SLC5A7: variants seen among roughly 807,000 people sequenced by gnomAD.
SLC5A7 encodes high affinity choline transporter 1.
A neutral mutation model predicts 55.4 loss-of-function variants in SLC5A7; 19 were observed. The observed-to-expected ratio is 0.34, with a 90% CI of 0.24 to 0.50. SLC5A7 has a LOEUF of 0.50. Among genes scored for constraint, SLC5A7 ranks in the 20% least tolerant of loss-of-function variants. The pLI is 0.98. For synonymous variants in SLC5A7, 265 were observed against 263.7 expected, an observed-to-expected ratio of 1.00 and a Z score of -0.05; for missense variants, 506 against 705.3, an observed-to-expected ratio of 0.72 and a Z score of 3.20.
In SLC5A7 at chr2:107,993,138, G is replaced by C. The variant is rs770092032; in HGVS notation, c.448+11G>C. 1.4e-5 allele frequency: 23 copies of C among 1,613,882 alleles called. No individual in the cohort carries two copies. Among genetic ancestry groups the C allele is most frequent in the Non-Finnish European group, 1.9e-5 (22 of 1,179,902 alleles). On this transcript the variant is annotated intron_variant, in intron 4 of 8. Coordinates refer to ENST00000264047, the MANE Select transcript of SLC5A7 (RefSeq NM_021815.5). ...TTTTCTCTGCTTTGGGTAAGGACCA[G>C]CTAAGTTGTCTAGCTGCATCTTTGT...
rs1553457530 is a variant in SLC5A7 at position 107,988,339 on chromosome 2, T to C, written c.178+6T>C. On this transcript the variant is annotated splice_donor_region_variant and intron_variant, in intron 2 of 8. Transcript: ENST00000264047. ...TGGTGGATTTACCATGACAGGTACG[T>C]TCAGACGCCGCCGGCTCCATGCAGT... 2 of 1,605,812 alleles carry C rather than the reference T, an allele frequency of 1.2e-6. No homozygotes were observed. The highest frequency in any genetic ancestry group is 1.7e-6 in the Non-Finnish European group (2 of 1,173,600).
Position 107,988,133 on chromosome 2 carries a change from A to G in SLC5A7, c.-23A>G. On this transcript the variant is annotated 5_prime_UTR_variant, in exon 2 of 9. Transcript: ENST00000264047. ...ACTTAATGAAGTAGCCAGCTGCAGA[A>G]GAATCTGGATCATTAGATAAAAATG... The G allele has an allele frequency of 3.7e-6, 6 of 1,606,644 alleles. No homozygotes were observed. Among genetic ancestry groups the G allele is most frequent in the Non-Finnish European group, 5.1e-6 (6 of 1,174,354 alleles).
At chr2:108,002,583 T>C (rs144069778) in intron 6 of SLC5A7, among the ~76,000 whole-genome samples, 3 of 152,100 alleles carry the variant, frequency 2.0e-5, no homozygotes, top group African/African-American at 7.2e-5. Flanking sequence ...TGCAGGCACT[T>C]TGAGGAGGAC....
intron 6 of SLC5A7, among the ~76,000 whole-genome samples, chr2:108,004,467 T>C (rs1678030055): frequency 1.3e-5 from 2 of 152,162 alleles, no homozygotes; most frequent in African/African-American, 4.8e-5. Context: ...GGTGAGACCA[T>C]GATAAGACAG....
chr2:108,008,096 C>T (rs1678188924), intron 7 of SLC5A7, among the ~76,000 whole-genome samples: 1 of 151,994 alleles, frequency 6.6e-6, no homozygotes, highest in South Asian at 2.1e-4. Flanking sequence ...AATAACTGAG[C>T]CTTAAAGAAG....
Position 107,988,254 on chromosome 2 carries a change from C to T in SLC5A7, c.99C>T (p.Gly33=). The change falls in exon 2 of 9, where the codon GGC becomes GGT. Residue 33 remains glycine, a synonymous_variant. Coordinates refer to ENST00000264047, the MANE Select transcript of SLC5A7 (RefSeq NM_021815.5). The stretch of plus-strand genomic sequence containing the variant: ...CTGCCTGGAGAACCAAAAACAGTGG[C>T]AGCGCAGAAGAGCGCAGCGAAGCCA... ...IWAAWRTKNS[G]SAEERSEAII... is the part of the protein sequence containing the mutation. The T allele has an allele frequency of 6.2e-7, 1 of 1,614,134 alleles. No individual in the cohort carries two copies. Among genetic ancestry groups the T allele is most frequent in the Non-Finnish European group, 8.5e-7 (1 of 1,179,996 alleles).
chr2:108,002,865 C>A (rs1677970206), intron 6 of SLC5A7, among the ~76,000 whole-genome samples: 1 of 151,976 alleles, frequency 6.6e-6, no homozygotes, highest in South Asian at 2.1e-4. Flanking sequence ...AAAAAAAAAT[C>A]TTCTTAAAAA....
intron 5 of SLC5A7, among the ~76,000 whole-genome samples, chr2:108,001,346 A>G (rs939373853): frequency 3.9e-5 from 6 of 152,282 alleles, no homozygotes; most frequent in Non-Finnish European, 8.8e-5. Flanking sequence ...TGCTGCTGCT[A>G]TAGTTTGTAT....
intron 5 of SLC5A7, among the ~76,000 whole-genome samples, chr2:108,000,931 T>TC (rs1398715916): frequency 6.9e-6 from 1 of 145,902 alleles, no homozygotes; most frequent in African/African-American, 2.5e-5. Flanking sequence ...AATTCTTTTT[T>TC]TTTTTTTTTT....
chr2:108,005,575 A>G (rs939587171), intron 6 of SLC5A7, among the ~76,000 whole-genome samples: 1 of 152,242 alleles, frequency 6.6e-6, no homozygotes, highest in Non-Finnish European at 1.5e-5. Flanking sequence ...TCAGTTGGGT[A>G]ACAAAGCATC....
chr2:108,006,000 A>T (rs750007744), intron 6 of SLC5A7, 49 bp from the exon 7 acceptor site: 26 of 1,604,314 alleles, frequency 1.6e-5, no homozygotes, highest in African/African-American at 1.2e-4. Flanking sequence ...AAAACTCTTT[A>T]AAAAAATGAA....
intron 6 of SLC5A7, among the ~76,000 whole-genome samples, chr2:108,005,456 A>G (rs1172130896): frequency 6.6e-6 from 1 of 152,230 alleles, no homozygotes; most frequent in Non-Finnish European, 1.5e-5. Context: ...TAGTTTAAAT[A>G]CAGTTCAAAA....
At chr2:108,008,737 G>A (rs1471851263) in intron 8 of SLC5A7, 55 bp downstream of exon 8, 40 of 1,416,452 alleles carry the variant, frequency 2.8e-5, no homozygotes, top group Non-Finnish European at 3.7e-5. Flanking sequence ...TGCTGCTTCT[G>A]ATGTTGTATT....
chr2:107,989,548 G>T (rs896195456), intron 2 of SLC5A7, among the ~76,000 whole-genome samples: 8 of 152,208 alleles, frequency 5.3e-5, no homozygotes, highest in African/African-American at 1.4e-4. Context: ...AGCATCTGGG[G>T]TTAAGTGGAG....
At chr2:107,991,166 TC>T (rs2104338583) in intron 2 of SLC5A7, among the ~76,000 whole-genome samples, 1 of 152,318 alleles carries the variant, frequency 6.6e-6, no homozygotes, top group East Asian at 1.9e-4. Flanking sequence ...TGTAGATCAT[TC>T]TTGGCTCAAA....
At chr2:108,004,561 AATTC>A (rs1308604858) in intron 6 of SLC5A7, among the ~76,000 whole-genome samples, 2 of 152,044 alleles carry the variant, frequency 1.3e-5, no homozygotes, top group East Asian at 1.9e-4. Context: ...CTCATTTATC[AATTC>A]ATTCATTCAT....
chr2:108,008,641 A>C lies in SLC5A7; in HGVS notation c.1072A>C (p.Met358Leu). The C allele has an allele frequency of 1.2e-6, 2 of 1,613,474 alleles. No homozygotes were observed. The highest frequency in any genetic ancestry group is 1.7e-6 in the Non-Finnish European group (2 of 1,179,842). ...ADSSILSASS[M>L]FARNIYQLSF... ...TTCTTCCATCTTGTCAGCAAGTTCC[A>C]TGTTTGCACGGAACATCTACCAGCT... The change falls in exon 8 of 9, where the codon ATG becomes CTG. Residue 358 changes from methionine (M) to leucine (L), a missense_variant. Physicochemically the swap from Met to Leu is conservative, Grantham distance 15. Coordinates refer to ENST00000264047, the MANE Select transcript of SLC5A7 (RefSeq NM_021815.5).
intron 2 of SLC5A7, among the ~76,000 whole-genome samples, chr2:107,990,570 G>A (rs1239674638): frequency 6.6e-6 from 1 of 152,050 alleles, no homozygotes; most frequent in Non-Finnish European, 1.5e-5. Flanking sequence ...AACAAATAAT[G>A]CCATTTGTTA....
chr2:107,988,925 A>G (rs1677343569), intron 2 of SLC5A7, among the ~76,000 whole-genome samples: 1 of 152,224 alleles, frequency 6.6e-6, no homozygotes, highest in Admixed American at 6.5e-5. Flanking sequence ...CAGCACTAAT[A>G]AAGAGATTTC....
Sources: allele counts gnomAD v4.1 joint callset (sites outside exome capture counted in the v4.1 genomes callset), GRCh38; gene constraint gnomAD v4.1.1; transcripts MANE v1.5; gene names NCBI Gene and HGNC (gene_info 2026-07-23, HGNC 2026-07-21).